Variants in KHDC4 observed in about 807,000 individuals in gnomAD.
The protein encoded by KHDC4 is KH homology domain-containing protein 4.
A neutral mutation model predicts 74.5 loss-of-function variants in KHDC4; 19 were observed. The ratio of observed to expected loss-of-function variants is 0.26; its 90% CI spans 0.18 to 0.37. KHDC4 has a LOEUF of 0.37. Among genes scored for constraint, KHDC4 ranks in the 10% least tolerant of loss-of-function variants. The probability of loss-of-function intolerance (pLI) is 1.00; values close to 1 mark genes in which losing one functional copy is unlikely to be tolerated. For synonymous variants in KHDC4, 253 were observed against 266.1 expected, an observed-to-expected ratio of 0.95 and a Z score of 0.48; for missense variants, 632 against 754.1, an observed-to-expected ratio of 0.84 and a Z score of 1.90.
chr1:155,919,586 G>A (rs185617491), intron 10 of KHDC4, among the ~76,000 whole-genome samples: 4 of 151,994 alleles, frequency 2.6e-5, no homozygotes, highest in Non-Finnish European at 4.4e-5. Context: ...TGAGGTGGGC[G>A]GATCACGAGG....
intron 6 of KHDC4, chr1:155,926,326 T>TG (rs1491154538): frequency 4.0e-3 from 206 of 51,854 alleles, no homozygotes; most frequent in African/African-American, 0.022. Flanking sequence ...TACTTGGCAC[T>TG]TTTTTTTTTT....
rs116526418 is a variant in KHDC4, at chr1:155,929,870, T to C, written c.256-30A>G. On this transcript the variant is annotated intron_variant, in intron 2 of 13. Transcript: ENST00000368321. ...AAAAAAGAGAAATTAGATTAAAAAG[T>C]TTTTATGATGAGATAAAGTCTATTT... 2.2e-3 allele frequency: 3,342 copies of C among 1,496,250 alleles called. 82 individuals are homozygous for C. In the African/African-American group the frequency reaches 0.044, roughly 20 times the overall value. The allele number at this position is 1,496,250 out of a possible 1,614,324, so 92.7% of individuals were successfully genotyped here.
chr1:155,919,571 G>T (rs968101049), intron 10 of KHDC4, among the ~76,000 whole-genome samples: 1 of 152,046 alleles, frequency 6.6e-6, no homozygotes. Flanking sequence ...AGTACTTTGG[G>T]AGTCTGAGGT....
rs1444340699 is a variant in KHDC4, at chr1:155,916,607, A to G, written c.1553+18T>C. On this transcript the variant is annotated intron_variant, in intron 12 of 13. Transcript: ENST00000368321. Reference sequence around the variant, plus strand: ...ACAAATAACATCTGAATACATTTGCATAATTATTCCAACTTACCTGTCCCT... The same window carrying G: ...ACAAATAACATCTGAATACATTTGCGTAATTATTCCAACTTACCTGTCCCT... The G allele has an allele frequency of 3.9e-6, 6 of 1,525,764 alleles. No individual in the cohort carries two copies. The highest frequency in any genetic ancestry group is 1.4e-5 in the African/African-American group (1 of 73,266). The allele number at this position is 1,525,764 out of a possible 1,614,324, so 94.5% of individuals were successfully genotyped here.
At position 155,916,639 on chromosome 1, in the gene KHDC4, C is replaced by T; in HGVS notation, c.1539G>A (p.Glu513=). The change falls in exon 12 of 14, where the codon GAG becomes GAA. Residue 513 remains glutamate, a synonymous_variant. Transcript: ENST00000368321. ...GSKPASSSGK[E]RERDRQLMPP... is the part of the protein sequence containing the mutation. ...TTCCAACTTACCTGTCCCTCTCTCT[C>T]TCTTTGCCTGAGGAACTTGCTGGCT... 1 of 1,611,912 alleles carries T rather than the reference C, an allele frequency of 6.2e-7. No individual in the cohort carries two copies. The highest frequency in any genetic ancestry group is 2.2e-5 in the East Asian group (1 of 44,862).
intron 8 of KHDC4, among the ~76,000 whole-genome samples, chr1:155,922,802 CA>C (rs1237063944): frequency 6.6e-6 from 1 of 151,976 alleles, no homozygotes; most frequent in East Asian, 1.9e-4. Flanking sequence ...GTGCTATGTA[CA>C]AAAGTAAAAA....
At chr1:155,924,455 C>T (rs532993352) in intron 7 of KHDC4, among the ~76,000 whole-genome samples, 4 of 151,938 alleles carry the variant, frequency 2.6e-5, no homozygotes, top group African/African-American at 9.6e-5. Flanking sequence ...CTGATTCATC[C>T]GCCTCGGCCC....
At chr1:155,921,708 G>A (rs913336120) in intron 9 of KHDC4, 80 bp from the exon 10 acceptor site, 3 of 1,532,236 alleles carry the variant, frequency 2.0e-6, no homozygotes, top group Non-Finnish European at 2.7e-6. Context: ...TAATATCTAG[G>A]GAAGAAAAAT....
intron 4 of KHDC4, among the ~76,000 whole-genome samples, chr1:155,928,681 G>A (rs1174796545): frequency 6.6e-6 from 1 of 151,706 alleles, no homozygotes; most frequent in Non-Finnish European, 1.5e-5. Context: ...TGCCGGGCGT[G>A]GTGGCTCACG....
rs147222585 is a variant in KHDC4, at chr1:155,914,483, C to G, written c.1646-163G>C. 1,071 of 590,650 alleles carry G rather than the reference C, an allele frequency of 1.8e-3. 1 individual carries two copies. Among genetic ancestry groups the G allele is most frequent in the African/African-American group, 0.012 (662 of 53,182 alleles). The allele number at this position is 590,650 out of a possible 1,614,324, so 36.6% of individuals were successfully genotyped here. A position where few individuals can be genotyped will look rare whatever the true frequency, so the allele number is the denominator to read the frequency against. On this transcript the variant is annotated intron_variant, in intron 13 of 13. Transcript: ENST00000368321. The stretch of plus-strand genomic sequence containing the variant: ...TCACCCAAAAACGTTGAAGATCACA[C>G]GAAAAACAGCACCAGCATCAGCAAA...
intron 9 of KHDC4, 25 bp from the exon 10 acceptor site, chr1:155,921,653 T>C (rs921890959): frequency 1.9e-6 from 3 of 1,600,652 alleles, no homozygotes; most frequent in African/African-American, 2.7e-5. Flanking sequence ...AAAAAGTGTT[T>C]AATCAGCTGC....
At chr1:155,920,022 C>T (rs754282983) in intron 10 of KHDC4, 13 of 515,890 alleles carry the variant, frequency 2.5e-5, no homozygotes, top group Admixed American at 2.4e-4. Context: ...CAGAGAAGGA[C>T]CCACCATAAA....
In KHDC4 at chr1:155,926,609, G is replaced by C. The variant is rs753325600; in HGVS notation, c.681+67C>G. ...TGGGATTACAGGAATGAGCCACTGT[G>C]CCTGGCCAGCACATATCATTTTTAT... On this transcript the variant is annotated intron_variant, in intron 6 of 13. Transcript: ENST00000368321. The C allele has an allele frequency of 2.4e-5, 37 of 1,545,710 alleles. 1 individual carries two copies. The South Asian group carries it at 4.0e-4, about 17-fold the overall frequency.
chr1:155,927,199 A>AG (rs1557970353), intron 4 of KHDC4, 43 bp from the exon 5 acceptor site: 1 of 1,532,436 alleles, frequency 6.5e-7, no homozygotes, highest in East Asian at 2.2e-5. Context: ...TGTGGTCAAA[A>AG]CCAAAAAAGG....
chr1:155,931,993 T>C (rs1674151725), intron 2 of KHDC4, among the ~76,000 whole-genome samples: 1 of 152,182 alleles, frequency 6.6e-6, no homozygotes, highest in Non-Finnish European at 1.5e-5. Flanking sequence ...GCCACATGTG[T>C]CTCTTGAGCA....
In KHDC4 at chr1:155,916,647, C is replaced by G; in HGVS notation, c.1531G>C (p.Gly511Arg). ...TACCTGTCCCTCTCTCTCTCTTTGC[C>G]TGAGGAACTTGCTGGCTTCGATCCT... Reference protein sequence around the residue: ...GAGSKPASSSGKERERDRQLM... With the variant: ...GAGSKPASSSRKERERDRQLM... Residue 511 changes from glycine to arginine, a missense_variant, in exon 12 of 14, where the codon GGC (glycine) becomes CGC (arginine). Physicochemically the swap from Gly to Arg is moderately radical, Grantham distance 125. This residue lies in a region of KHDC4 where 254 missense variants were observed against 267.4 expected (regional missense o/e 0.95). Transcript: ENST00000368321. The G allele has an allele frequency of 6.2e-7, 1 of 1,613,158 alleles. No individual in the cohort carries two copies. The highest frequency in any genetic ancestry group is 1.7e-5 in the Admixed American group (1 of 59,960).
intron 13 of KHDC4, 91 bp from the exon 14 acceptor site, chr1:155,914,411 T>C: frequency 9.4e-7 from 1 of 1,067,434 alleles, no homozygotes; most frequent in Non-Finnish European, 1.4e-6. Context: ...AAGATGTTAA[T>C]TTTAAGTGGT....
intron 4 of KHDC4, among the ~76,000 whole-genome samples, chr1:155,927,970 T>G (rs1311391324): frequency 6.6e-6 from 1 of 151,882 alleles, no homozygotes; most frequent in Non-Finnish European, 1.5e-5. Flanking sequence ...AGGACTTAAA[T>G]TATAATAAAG....
At chr1:155,926,550 CA>C in intron 6 of KHDC4, 125 bp downstream of exon 6, 1 of 1,061,564 alleles carries the variant, frequency 9.4e-7, no homozygotes, top group South Asian at 1.4e-5. Context: ...TTCCTGACCT[CA>C]AATGATCCAC....
Sources: gnomAD v4.1 joint callset for allele counts (sites outside exome capture counted in the v4.1 genomes callset) on GRCh38, gnomAD v4.1.1 for gene constraint, gnomAD v4.1.1 regional missense constraint, MANE v1.5 for transcripts, NCBI Gene and HGNC (gene_info 2026-07-23, HGNC 2026-07-21) for gene names.